Variants in TRIO observed in about 807,000 individuals in gnomAD.
TRIO encodes triple functional domain protein.
In TRIO, 58 loss-of-function variants were observed where a neutral mutation model predicts 351.9. The ratio of observed to expected loss-of-function variants is 0.16; its 90% confidence interval spans 0.13 to 0.21. TRIO has a LOEUF of 0.21. Among genes scored for constraint, TRIO ranks in the 10% least tolerant of loss-of-function variants. The pLI, the probability that TRIO is intolerant of heterozygous loss-of-function variation, is 1.00. For missense variants in TRIO, 3,201 were observed against 4,027.8 expected, an observed-to-expected ratio of 0.79 and a Z score of 5.56; for synonymous variants, 1,758 against 1,595.7, an observed-to-expected ratio of 1.10 and a Z score of -2.42.
At chr5:14,507,303 C>T (rs756215845) in intron 56 of TRIO, 43 bp downstream of exon 56, 23 of 1,604,684 alleles carry the variant, frequency 1.4e-5, no homozygotes, top group Middle Eastern at 2.3e-4. Flanking sequence ...CTGAGCACAC[C>T]GGCTTGGCCA....
intron 19 of TRIO, among the ~76,000 whole-genome samples, chr5:14,375,739 C>A (rs1435046880): frequency 6.6e-6 from 1 of 152,218 alleles, no homozygotes; most frequent in Non-Finnish European, 1.5e-5. Flanking sequence ...TTGCTGCTCA[C>A]TTGCCCGAAA....
Position 14,286,090 on chromosome 5 carries a change from CTT to C in TRIO, c.348-771_348-770del, listed in dbSNP as rs576864861. ...GATTTAATACAATTAGAAGCTGGCA[CTT>C]TTTTTTTTTAAGTGCAATAATGTGG... On this transcript the variant is annotated intron_variant, in intron 3 of 56. Coordinates refer to ENST00000344204, the MANE Select transcript of TRIO (RefSeq NM_007118.4). The surrounding 1 kb of genome is among the most constrained non-coding windows in gnomAD (Gnocchi z 4.4). Among the ~76,000 whole-genome samples, 1 of 147,096 alleles carries C rather than the reference CTT, an allele frequency of 6.8e-6. No individual in the cohort carries two copies. Among genetic ancestry groups the C allele is most frequent in the Non-Finnish European group, 1.5e-5 (1 of 66,410 alleles).
At chr5:14,219,590 A>G (rs769965401) in intron 1 of TRIO, among the ~76,000 whole-genome samples, 8 of 152,196 alleles carry the variant, frequency 5.3e-5, no homozygotes, top group Non-Finnish European at 8.8e-5. Flanking sequence ...CCAATCCCGT[A>G]TTAATAGGAC....
chr5:14,383,557 T>C (rs984150549), intron 21 of TRIO, among the ~76,000 whole-genome samples: 1 of 152,258 alleles, frequency 6.6e-6, no homozygotes, highest in African/African-American at 2.4e-5. Context: ...ATTTTTATTC[T>C]TGTATTTTAT....
chr5:14,244,422 T>C (rs1430414815), intron 1 of TRIO, among the ~76,000 whole-genome samples: 1 of 152,174 alleles, frequency 6.6e-6, no homozygotes, highest in Admixed American at 6.5e-5. Context: ...ATGCTTTCTT[T>C]TGAGACTATT....
intron 6 of TRIO, among the ~76,000 whole-genome samples, chr5:14,296,209 A>G (rs371233792): frequency 2.0e-5 from 3 of 152,270 alleles, no homozygotes; most frequent in East Asian, 1.9e-4. Context: ...CCAAAGAGGT[A>G]TCTACGATTT....
At chr5:14,245,094 G>C (rs910050427) in intron 1 of TRIO, among the ~76,000 whole-genome samples, 1 of 152,234 alleles carries the variant, frequency 6.6e-6, no homozygotes, top group Non-Finnish European at 1.5e-5. Context: ...TCAATGAAAA[G>C]ATAGCATTTG....
At chr5:14,396,443 CTTTTTTTTTTTTTTTTTTTTTTTTTTTTT>C (rs1173121592) in intron 28 of TRIO, among the ~76,000 whole-genome samples, 13 of 41,518 alleles carry the variant, frequency 3.1e-4, no homozygotes, top group African/African-American at 4.0e-4. Context: ...TTCTATTTAT[CTTTTTTTTTTTTTTTTTTTTTTTTTTTTT>C]TTTTTTTTTT....
At position 14,401,061 on chromosome 5, in the gene TRIO, T is replaced by G; in HGVS notation, c.4713T>G (p.Leu1571=). 6.2e-7 allele frequency: 1 copy of G among 1,613,342 alleles called. No individual in the cohort carries two copies. ...RTPTSDNKIV[L]KASSIENKQD... is the part of the protein sequence containing the mutation. The stretch of plus-strand genomic sequence containing the variant: ...CAACTTCAGATAATAAAATTGTCCT[T>G]AAGGTACGTTCATTTGAAGCTGGGA... The change falls in exon 31 of 57, where the codon CTT becomes CTG. Residue 1571 remains leucine, a synonymous_variant. Coordinates refer to ENST00000344204, the MANE Select transcript of TRIO (RefSeq NM_007118.4).
chr5:14,376,430 G>A (rs1745563748), intron 19 of TRIO, among the ~76,000 whole-genome samples: 1 of 152,132 alleles, frequency 6.6e-6, no homozygotes, highest in Non-Finnish European at 1.5e-5. Flanking sequence ...ACCTGTCTGT[G>A]CATGTAAATG....
chr5:14,397,995 G>T (rs1043720547), intron 29 of TRIO, among the ~76,000 whole-genome samples: 1 of 152,146 alleles, frequency 6.6e-6, no homozygotes, highest in African/African-American at 2.4e-5. Context: ...CAGGAAGTGG[G>T]GAAGAAAGTC....
Position 14,390,306 on chromosome 5 carries a change from G to A in TRIO, c.4128+6G>A, listed in dbSNP as rs1746945212. ...GACATTGTTTTGTTACTTGGGTAAT[G>A]AAACCTCAACCATTTGTTCTCTCCC... On this transcript the variant is annotated splice_donor_region_variant and intron_variant, in intron 26 of 56. Transcript: ENST00000344204. The A allele has an allele frequency of 6.2e-7, 1 of 1,613,702 alleles. No homozygotes were observed.
At chr5:14,411,071 G>A (rs1262325481) in intron 33 of TRIO, among the ~76,000 whole-genome samples, 1 of 152,180 alleles carries the variant, frequency 6.6e-6, no homozygotes, top group East Asian at 1.9e-4. Flanking sequence ...GCGGTAGGGA[G>A]GAGAGCGCTG....
At chr5:14,275,511 A>G (rs1278770232) in intron 2 of TRIO, among the ~76,000 whole-genome samples, 1 of 152,094 alleles carries the variant, frequency 6.6e-6, no homozygotes, top group African/African-American at 2.4e-5. Context: ...AAGTTAAGGT[A>G]TGGTTAAAAA....
intron 34 of TRIO, among the ~76,000 whole-genome samples, chr5:14,446,999 G>A (rs1249147890): frequency 6.6e-6 from 1 of 152,220 alleles, no homozygotes; most frequent in Non-Finnish European, 1.5e-5. Context: ...GGGAGGCCGA[G>A]GTGGGCAGAT....
intron 10 of TRIO, among the ~76,000 whole-genome samples, chr5:14,334,241 T>C (rs1378617413): frequency 1.3e-5 from 2 of 152,166 alleles, no homozygotes; most frequent in Non-Finnish European, 2.9e-5. Flanking sequence ...GAAATCTCTG[T>C]TCTCCAGTTG....
chr5:14,167,876 A>G (rs1788864212), intron 1 of TRIO, among the ~76,000 whole-genome samples: 1 of 152,150 alleles, frequency 6.6e-6, no homozygotes, highest in African/African-American at 2.4e-5. Context: ...CTGAACATTC[A>G]TTTCTTACTT....
At chr5:14,223,712 C>T (rs1251884088) in intron 1 of TRIO, among the ~76,000 whole-genome samples, 1 of 152,204 alleles carries the variant, frequency 6.6e-6, no homozygotes, top group Non-Finnish European at 1.5e-5. Context: ...CATTCTGTGG[C>T]CCTAAACAGG....
rs1244204101 is a variant in TRIO at position 14,330,896 on chromosome 5, C to A, written c.1850C>A (p.Ala617Glu). ...CGTCATGAAGATTTTGAAGAAGTGGCACAGGTAAAACAATGGCTTCTATTA... is the reference window on the plus strand; with the variant it reads ...CGTCATGAAGATTTTGAAGAAGTGGAACAGGTAAAACAATGGCTTCTATTA... Reference protein sequence around the residue: ...QKRHEDFEEVAQNTYTNADKL... With the variant: ...QKRHEDFEEVEQNTYTNADKL... Residue 617 changes from alanine (A) to glutamate (E), a missense_variant, in exon 10 of 57, where the codon GCA becomes GAA. Ala to Glu is a moderately radical substitution (Grantham distance 107, BLOSUM62 -1). Coordinates refer to ENST00000344204, the MANE Select transcript of TRIO (RefSeq NM_007118.4). 2 of 1,613,988 alleles carry A rather than the reference C, an allele frequency of 1.2e-6. No individual in the cohort carries two copies. The highest frequency in any genetic ancestry group is 1.7e-6 in the Non-Finnish European group (2 of 1,179,920).
Sources: gnomAD v4.1 joint callset for allele counts (sites outside exome capture counted in the v4.1 genomes callset) on GRCh38, gnomAD v4.1.1 for gene constraint, Gnocchi (gnomAD v3.1) non-coding constraint, MANE v1.5 for transcripts, NCBI Gene and HGNC (gene_info 2026-07-23, HGNC 2026-07-21) for gene names.